The following CHD3 variants were observed in gnomAD, a reference collection of about 807,000 sequenced individuals.
The protein encoded by CHD3 is ATP-dependent chromatin remodeler CHD3.
A neutral mutation model predicts 248.9 loss-of-function variants in CHD3; 52 were observed. The ratio of observed to expected loss-of-function variants is 0.21; its 90% CI spans 0.17 to 0.26. The LOEUF (loss-of-function observed/expected upper bound fraction) is 0.26, where lower values mean the gene tolerates loss of function less well. Among genes scored for constraint, CHD3 ranks in the 10% least tolerant of loss-of-function variants. The probability of loss-of-function intolerance (pLI) is 1.00; values close to 1 mark genes in which losing one functional copy is unlikely to be tolerated. For synonymous variants in CHD3, 985 were observed against 985.2 expected (o/e 1.00, Z 0.00); for missense variants, 1,482 against 2,605.8 (o/e 0.57, Z 9.39).
chr17:7,898,174 A>G, intron 12 of CHD3, 72 bp downstream of exon 12: 2 of 1,575,492 alleles, frequency 1.3e-6, no homozygotes, highest in Non-Finnish European at 1.7e-6. Flanking sequence ...CCAGCATAAA[A>G]TGAGGGTACA....
chr17:7,898,469 C>T, intron 12 of CHD3, 27 bp from the exon 13 acceptor site: 1 of 1,537,408 alleles, frequency 6.5e-7, no homozygotes, highest in Admixed American at 1.7e-5. Flanking sequence ...AAGGATGAGG[C>T]CTCATTCAGA....
rs763747673 is a variant in CHD3, at chr17:7,909,432, C to T, written c.5590+94C>T. On this transcript the variant is annotated intron_variant, in intron 37 of 39. Transcript: ENST00000330494. The surrounding 1 kb of genome is among the most constrained non-coding windows in gnomAD (Gnocchi z 8.1). Reference sequence around the variant, plus strand: ...TCAAAATCTTCCCACCCCCTGACCCCTCTACCTGCTGAACCATCCCCCTCT... The same window carrying T: ...TCAAAATCTTCCCACCCCCTGACCCTTCTACCTGCTGAACCATCCCCCTCT... 10 of 1,438,122 alleles carry T rather than the reference C, an allele frequency of 7.0e-6. No homozygotes were observed. In the South Asian group the frequency reaches 1.4e-4, roughly 21 times the overall value. The allele number at this position is 1,438,122 out of a possible 1,614,324, so 89.1% of individuals were successfully genotyped here.
chr17:7,897,953 T>C lies in CHD3; in HGVS notation c.1920-18T>C, dbSNP rs1969888375. On this transcript the variant is annotated intron_variant, in intron 11 of 39. Transcript: ENST00000330494. This position sits in a 1 kb window ranked among gnomAD's most constrained non-coding sequence, Gnocchi z 4.8. ...AATATTTTCCTCCTGCTCCTCCCCA[T>C]GGCCTCCTGCCCCACAGTGTGGATA... is the stretch of plus-strand genomic sequence containing the variant. 3 of 1,608,858 alleles carry C rather than the reference T, an allele frequency of 1.9e-6. No individual in the cohort carries two copies. Among genetic ancestry groups the C allele is most frequent in the East Asian group, 2.2e-5 (1 of 44,840 alleles).
intron 2 of CHD3, 111 bp from the exon 3 acceptor site, chr17:7,890,460 C>T (rs1030203173): frequency 4.3e-5 from 31 of 726,830 alleles, no homozygotes; most frequent in East Asian, 6.2e-5. Context: ...AAATTAGTTA[C>T]TATCACAGGA....
upstream of CHD3, chr17:7,888,736 G>A (rs940875233): frequency 1.8e-6 from 2 of 1,138,070 alleles, no homozygotes; most frequent in African/African-American, 1.6e-5. Flanking sequence ...GGGTGCGCGC[G>A]TGCGCGCGCG....
At position 7,889,179 on chromosome 17, in the gene CHD3, A is replaced by C; in HGVS notation, c.100+79A>C. ...AGGGCCCCAGGGTGTTAGTGTGAGA[A>C]CCCAGGTGTCCACCTTTGGCTCTCC... is the stretch of plus-strand genomic sequence containing the variant. On this transcript the variant is annotated intron_variant, in intron 1 of 39. Transcript: ENST00000330494. The surrounding 1 kb of genome is among the most constrained non-coding windows in gnomAD (Gnocchi z 4.5). The C allele has an allele frequency of 1.3e-6, 2 of 1,567,890 alleles. No individual in the cohort carries two copies. Among genetic ancestry groups the C allele is most frequent in the Non-Finnish European group, 8.7e-7 (1 of 1,145,124 alleles).
At chr17:7,894,372 C>A in intron 7 of CHD3, 43 bp from the exon 8 acceptor site, 1 of 1,592,854 alleles carries the variant, frequency 6.3e-7, no homozygotes, top group East Asian at 2.2e-5. Context: ...TCTCCATCTC[C>A]CCCTGCCCTG....
Position 7,905,396 on chromosome 17 carries a change from G to A in CHD3, c.4139-225G>A, listed in dbSNP as rs1970808049. On this transcript the variant is annotated intron_variant, in intron 26 of 39. Transcript: ENST00000330494. The surrounding 1 kb of genome is among the most constrained non-coding windows in gnomAD (Gnocchi z 5.8). ...GCCATATCATTTTCCATTCCCACTG[G>A]TAATCTGGGCCTTTGTCAGATATCA... 10 of 613,954 alleles carry A rather than the reference G, an allele frequency of 1.6e-5. No homozygotes were observed. In the South Asian group the frequency reaches 2.0e-4, roughly 12 times the overall value. The allele number at this position is 613,954 out of a possible 1,614,324, so 38.0% of individuals were successfully genotyped here.
intron 10 of CHD3, among the ~76,000 whole-genome samples, chr17:7,896,410 T>G (rs1969662165): frequency 1.0e-5 from 1 of 96,528 alleles, no homozygotes; most frequent in South Asian, 3.6e-4. Context: ...TTTTTTCTAT[T>G]TTTTTTTTTT....
Position 7,903,089 on chromosome 17 carries a change from C to A in CHD3, c.3495+28C>A, listed in dbSNP as rs1188818596. 6.2e-7 allele frequency: 1 copy of A among 1,604,668 alleles called. No individual in the cohort carries two copies. Among genetic ancestry groups the A allele is most frequent in the South Asian group, 1.1e-5 (1 of 90,638 alleles). Reference sequence around the variant, plus strand: ...GGGAACTCGCATCCTAGAACCCCTGCACCATTTAGCAAGGAGATGTGGGTT... The same window carrying A: ...GGGAACTCGCATCCTAGAACCCCTGAACCATTTAGCAAGGAGATGTGGGTT... On this transcript the variant is annotated intron_variant, in intron 22 of 39. Coordinates refer to ENST00000330494, the MANE Select transcript of CHD3 (RefSeq NM_001005273.3). This position sits in a 1 kb window ranked among gnomAD's most constrained non-coding sequence, Gnocchi z 6.8.
chr17:7,897,004 T>C lies in CHD3; in HGVS notation c.1708-79T>C. 1 of 1,202,794 alleles carries C rather than the reference T, an allele frequency of 8.3e-7. No individual in the cohort carries two copies. The highest frequency in any genetic ancestry group is 1.3e-5 in the South Asian group (1 of 78,968). 74.5% of individuals were successfully genotyped at this position (1,202,794 alleles called of 1,614,324 possible). ...CTCCCTTTCCCTGTCCCATTCCTCC[T>C]GCCGGCCTCTTCCCGGTTCCTTGTT... On this transcript the variant is annotated intron_variant, in intron 10 of 39. Coordinates refer to ENST00000330494, the MANE Select transcript of CHD3 (RefSeq NM_001005273.3). This position sits in a 1 kb window ranked among gnomAD's most constrained non-coding sequence, Gnocchi z 4.8.
Position 7,911,423 on chromosome 17 carries a change from T to C in CHD3, c.5882-41T>C. The C allele has an allele frequency of 6.2e-7, 1 of 1,613,668 alleles. No individual in the cohort carries two copies. The highest frequency in any genetic ancestry group is 8.5e-7 in the Non-Finnish European group (1 of 1,179,814). On this transcript the variant is annotated intron_variant, in intron 39 of 39. Transcript: ENST00000330494. This position sits in a 1 kb window ranked among gnomAD's most constrained non-coding sequence, Gnocchi z 5.4. ...ATTGTCATGAAGTGACGTTTGAGAGTGATCTGGAGATTGATCTTTCCTTAC... is the reference window on the plus strand; with the variant it reads ...ATTGTCATGAAGTGACGTTTGAGAGCGATCTGGAGATTGATCTTTCCTTAC...
chr17:7,896,251 AATT>A (rs1267078770), intron 10 of CHD3, among the ~76,000 whole-genome samples: 22 of 150,854 alleles, frequency 1.5e-4, no homozygotes, highest in Admixed American at 1.4e-3. Flanking sequence ...AAAAAAAAAA[AATT>A]CTCAATGTTT....
Position 7,907,182 on chromosome 17 carries a change from G to A in CHD3, c.4723G>A (p.Glu1575Lys). 1.2e-6 allele frequency: 2 copies of A among 1,614,224 alleles called. No individual in the cohort carries two copies. Among genetic ancestry groups the A allele is most frequent in the Non-Finnish European group, 8.5e-7 (1 of 1,180,022 alleles). Residue 1575 changes from glutamate to lysine, a missense_variant, in exon 31 of 40, where the codon GAA becomes AAA. Transcript: ENST00000330494. This position sits in a 1 kb window ranked among gnomAD's most constrained non-coding sequence, Gnocchi z 4.3. ...CATAAGGACACCTCTTGAGAAGGAGGAAGCTGAAAACCAGGAGGAAAAGCC... is the reference window on the plus strand; with the variant it reads ...CATAAGGACACCTCTTGAGAAGGAGAAAGCTGAAAACCAGGAGGAAAAGCC... ...EGIRTPLEKE[E>K]AENQEEKPEK...
intron 8 of CHD3, 105 bp downstream of exon 8, chr17:7,894,713 A>G (rs1597942578): frequency 1.5e-6 from 2 of 1,353,170 alleles, no homozygotes; most frequent in East Asian, 2.3e-5. Context: ...TGGACTTCTT[A>G]GTAACAGATG....
chr17:7,905,014 C>T lies in CHD3; in HGVS notation c.4073-86C>T. The T allele has an allele frequency of 8.1e-7, 1 of 1,230,762 alleles. No individual in the cohort carries two copies. Among genetic ancestry groups the T allele is most frequent in the Non-Finnish European group, 1.2e-6 (1 of 833,156 alleles). 76.2% of individuals were successfully genotyped at this position (1,230,762 alleles called of 1,614,324 possible). On this transcript the variant is annotated intron_variant, in intron 25 of 39. Coordinates refer to ENST00000330494, the MANE Select transcript of CHD3 (RefSeq NM_001005273.3). This position sits in a 1 kb window ranked among gnomAD's most constrained non-coding sequence, Gnocchi z 5.8. ...CAGAATAAAGGTAGACAAGTCTCGGCAGGGAGGAATCCAGCCAGAAAGGGC... is the reference window on the plus strand; with the variant it reads ...CAGAATAAAGGTAGACAAGTCTCGGTAGGGAGGAATCCAGCCAGAAAGGGC...
rs1246660688 is a variant in CHD3, at chr17:7,899,787, G to C, written c.2545-109G>C. ...GTCTGTAATCCCTGCTTGGAGAACAGAGTAATGGCTCCTGTTGGGAGCCAC... is the reference window on the plus strand; with the variant it reads ...GTCTGTAATCCCTGCTTGGAGAACACAGTAATGGCTCCTGTTGGGAGCCAC... On this transcript the variant is annotated intron_variant, in intron 15 of 39. Transcript: ENST00000330494. This position sits in a 1 kb window ranked among gnomAD's most constrained non-coding sequence, Gnocchi z 6.8. The C allele has an allele frequency of 7.3e-7, 1 of 1,373,808 alleles. No individual in the cohort carries two copies. The highest frequency in any genetic ancestry group is 2.3e-5 in the East Asian group (1 of 43,440). The allele number at this position is 1,373,808 out of a possible 1,614,324, so 85.1% of individuals were successfully genotyped here. A position where few individuals can be genotyped will look rare whatever the true frequency, so the allele number is the denominator to read the frequency against.
In CHD3 at chr17:7,904,629, GC is replaced by G; in HGVS notation, c.4072+14del. The G allele has an allele frequency of 6.2e-7, 1 of 1,608,634 alleles. No homozygotes were observed. The highest frequency in any genetic ancestry group is 8.5e-7 in the Non-Finnish European group (1 of 1,175,680). On this transcript the variant is annotated intron_variant, in intron 25 of 39. Transcript: ENST00000330494. This position sits in a 1 kb window ranked among gnomAD's most constrained non-coding sequence, Gnocchi z 4.4. ...GCTCAGGAAGACCAAGGTGAGGACT[GC>G]CCCAGATGCAGGCAGTAAAGGGGGG...
rs886218115 is a variant in CHD3 at position 7,909,214 on chromosome 17, G to T, written c.5466G>T (p.Pro1822=). ...CCTACCTGAACCTGTCGCAGGAGCC[G>T]GCGCACCCCGCCATGGCCCTCCACG... ...RAAYLNLSQE[P]AHPAMALHAR... is the part of the protein sequence containing the mutation. Residue 1822 remains proline, a synonymous_variant, in exon 37 of 40, where the codon CCG becomes CCT. Coordinates refer to ENST00000330494, the MANE Select transcript of CHD3 (RefSeq NM_001005273.3). This position sits in a 1 kb window ranked among gnomAD's most constrained non-coding sequence, Gnocchi z 8.1. 1.3e-6 allele frequency: 2 copies of T among 1,549,428 alleles called. No individual in the cohort carries two copies. Among genetic ancestry groups the T allele is most frequent in the East Asian group, 2.4e-5 (1 of 40,994 alleles).
Sources: allele counts gnomAD v4.1 joint callset (sites outside exome capture counted in the v4.1 genomes callset), GRCh38; gene constraint gnomAD v4.1.1; non-coding constraint Gnocchi (gnomAD v3.1); transcripts MANE v1.5; gene names NCBI Gene and HGNC (gene_info 2026-07-23, HGNC 2026-07-21).